IMMP2L: variants seen among roughly 807,000 people sequenced by gnomAD.
IMMP2L encodes the protein mitochondrial inner membrane protease subunit 2.
In IMMP2L, 18 loss-of-function variants were observed where a neutral mutation model predicts 19.3. The ratio of observed to expected loss-of-function variants is 0.93; its 90% CI spans 0.64 to 1.38. The LOEUF (loss-of-function observed/expected upper bound fraction) is 1.38, where lower values mean the gene tolerates loss of function less well. Ranked by LOEUF, IMMP2L falls within the 40% of genes most tolerant of loss-of-function variation. IMMP2L has a pLI of 0.00. For missense variants in IMMP2L, 233 were observed against 218.2 expected (o/e 1.07, Z -0.43); for synonymous variants, 76 against 73.0 (o/e 1.04, Z -0.21).
chr7:111,388,912 TATATAC>T (rs1461482532), intron 3 of IMMP2L, among the ~76,000 whole-genome samples: 1 of 152,106 alleles, frequency 6.6e-6, no homozygotes, highest in Non-Finnish European at 1.5e-5. Flanking sequence ...TGTACATACA[TATATAC>T]ATATAATGTG....
intron 3 of IMMP2L, among the ~76,000 whole-genome samples, chr7:111,256,062 T>A (rs1198969777): frequency 6.6e-6 from 1 of 152,110 alleles, no homozygotes; most frequent in Non-Finnish European, 1.5e-5. Context: ...CATAGAGATT[T>A]ATACTATACA....
intron 3 of IMMP2L, among the ~76,000 whole-genome samples, chr7:111,211,095 T>C (rs1811259763): frequency 2.6e-5 from 4 of 152,082 alleles, no homozygotes; most frequent in Non-Finnish European, 4.4e-5. Flanking sequence ...TGAAATCCCA[T>C]AAAGTACAAG....
At chr7:110,750,383 C>A (rs935078127) in intron 5 of IMMP2L, among the ~76,000 whole-genome samples, 1 of 152,074 alleles carries the variant, frequency 6.6e-6, no homozygotes, top group East Asian at 1.9e-4. Flanking sequence ...AGCATTGAAA[C>A]CCCTGGAAAA....
intron 3 of IMMP2L, among the ~76,000 whole-genome samples, chr7:111,397,739 C>T (rs1833016564): frequency 1.3e-5 from 2 of 151,944 alleles, no homozygotes; most frequent in South Asian, 2.1e-4. Flanking sequence ...GATGTATTTG[C>T]TTTTTATTAC....
chr7:111,101,883 G>T lies in IMMP2L; in HGVS notation c.240-138318C>A, dbSNP rs73714669. Reference sequence around the variant, plus strand: ...TCCACAGTCATTTCTTGGCAGTCAGGTGATATCTGTAGAGTACTAGGTTAT... The same window carrying T: ...TCCACAGTCATTTCTTGGCAGTCAGTTGATATCTGTAGAGTACTAGGTTAT... On this transcript the variant is annotated intron_variant, in intron 3 of 5. Coordinates refer to ENST00000405709, the MANE Select transcript of IMMP2L (RefSeq NM_032549.4). 2.1e-3 allele frequency among the ~76,000 whole-genome samples: 314 copies of T among 151,502 alleles called. 3 individuals are homozygous for T. Among genetic ancestry groups the T allele is most frequent in the African/African-American group, 7.2e-3 (298 of 41,418 alleles).
intron 4 of IMMP2L, among the ~76,000 whole-genome samples, chr7:110,894,280 TA>T (rs1383283111): frequency 6.6e-6 from 1 of 152,200 alleles, no homozygotes; most frequent in Non-Finnish European, 1.5e-5. Context: ...TCACTATTGT[TA>T]ATTAGATACT....
intron 3 of IMMP2L, among the ~76,000 whole-genome samples, chr7:110,990,497 A>G (rs1003907963): frequency 2.0e-5 from 3 of 152,218 alleles, no homozygotes; most frequent in African/African-American, 7.2e-5. Context: ...TAACCAGATT[A>G]TAAGTACCAA....
chr7:111,331,596 A>G (rs1028610436), intron 3 of IMMP2L, among the ~76,000 whole-genome samples: 5 of 151,974 alleles, frequency 3.3e-5, no homozygotes, highest in African/African-American at 1.2e-4. Flanking sequence ...TATTTGAGGT[A>G]TTGAATATGT....
chr7:111,468,589 A>G (rs10085853), intron 3 of IMMP2L, among the ~76,000 whole-genome samples: 21,133 of 152,048 alleles, frequency 0.14, 2,395 homozygotes, highest in African/African-American at 0.31. Flanking sequence ...CATATGCAAT[A>G]TAAGAAGAAA....
intron 3 of IMMP2L, among the ~76,000 whole-genome samples, chr7:111,130,084 C>T (rs1285011759): frequency 6.6e-6 from 1 of 152,028 alleles, no homozygotes; most frequent in East Asian, 1.9e-4. Context: ...AAGAGACAAG[C>T]CTACAGAGAT....
intron 3 of IMMP2L, among the ~76,000 whole-genome samples, chr7:111,233,176 T>C (rs1813903493): frequency 6.6e-6 from 1 of 152,172 alleles, no homozygotes; most frequent in Admixed American, 6.6e-5. Context: ...TGCATGCACA[T>C]AAGTTAGCCA....
In IMMP2L at chr7:110,877,379, T is replaced by C. The variant is rs567416640; in HGVS notation, c.408+9214A>G. On this transcript the variant is annotated intron_variant, in intron 5 of 5. Coordinates refer to ENST00000405709, the MANE Select transcript of IMMP2L (RefSeq NM_032549.4). This position sits in a 1 kb window ranked among gnomAD's most constrained non-coding sequence, Gnocchi z 4.0. ...CACTGTGCAATTATACTGCAAATGC[T>C]GTGTGGGGTAACTGGCTTAGTCAGA... 6.6e-6 allele frequency among the ~76,000 whole-genome samples: 1 copy of C among 152,280 alleles called. No homozygotes were observed. The highest frequency in any genetic ancestry group is 1.9e-4 in the East Asian group (1 of 5,178).
intron 3 of IMMP2L, among the ~76,000 whole-genome samples, chr7:110,967,805 T>C (rs1257890020): frequency 6.6e-6 from 1 of 152,116 alleles, no homozygotes; most frequent in Non-Finnish European, 1.5e-5. Context: ...TATGTTTTTC[T>C]ATTCTTTTAT....
intron 3 of IMMP2L, among the ~76,000 whole-genome samples, chr7:111,395,389 G>A (rs1832761946): frequency 6.6e-6 from 1 of 151,948 alleles, no homozygotes; most frequent in Non-Finnish European, 1.5e-5. Context: ...GTCCAATTTT[G>A]TTCGTGTCTC....
chr7:111,185,441 G>A (rs1808162076), intron 3 of IMMP2L, among the ~76,000 whole-genome samples: 1 of 152,044 alleles, frequency 6.6e-6, no homozygotes, highest in African/African-American at 2.4e-5. Context: ...TATACCCGGA[G>A]AAATTCCAGA....
chr7:111,417,652 G>C (rs950442730), intron 3 of IMMP2L, among the ~76,000 whole-genome samples: 31 of 151,818 alleles, frequency 2.0e-4, no homozygotes, highest in Middle Eastern at 3.2e-3. Context: ...GAGAGAAGCA[G>C]AGACTGAAAT....
rs112782420 is a variant in IMMP2L, at chr7:111,075,481, T to G, written c.240-111916A>C. On this transcript the variant is annotated intron_variant, in intron 3 of 5. Coordinates refer to ENST00000405709, the MANE Select transcript of IMMP2L (RefSeq NM_032549.4). ...TATATCTATCATAAATGAATATTAG[T>G]AGTTGCCTAATCTGATAGTGAATAT... Among the ~76,000 whole-genome samples, 330 of 152,316 alleles carry G rather than the reference T, an allele frequency of 2.2e-3. 1 individual carries two copies. Among genetic ancestry groups the G allele is most frequent in the African/African-American group, 7.5e-3 (310 of 41,568 alleles).
intron 5 of IMMP2L, among the ~76,000 whole-genome samples, chr7:110,843,609 C>A (rs1344626822): frequency 1.3e-5 from 2 of 152,042 alleles, no homozygotes; most frequent in African/African-American, 4.8e-5. Context: ...TGCTATAATG[C>A]AGAATAAAAC....
At chr7:111,210,043 C>T (rs1027762184) in intron 3 of IMMP2L, among the ~76,000 whole-genome samples, 14 of 152,296 alleles carry the variant, frequency 9.2e-5, no homozygotes, top group African/African-American at 3.1e-4. Flanking sequence ...CGTGTCCTCT[C>T]CTTTTAGCTG....
Sources: gnomAD v4.1 joint callset for allele counts (sites outside exome capture counted in the v4.1 genomes callset) on GRCh38, gnomAD v4.1.1 for gene constraint, Gnocchi (gnomAD v3.1) non-coding constraint, MANE v1.5 for transcripts, NCBI Gene and HGNC (gene_info 2026-07-23, HGNC 2026-07-21) for gene names.